Variants in ABCC6 observed in about 807,000 individuals in gnomAD.
ABCC6 encodes ATP binding cassette subfamily C member 6.
A neutral mutation model predicts 169.5 loss-of-function variants in ABCC6; 126 were observed. The observed-to-expected ratio is 0.74, with a 90% confidence interval of 0.64 to 0.86. The LOEUF is 0.86. Among genes scored for constraint, ABCC6 ranks in the 40% least tolerant of loss-of-function variants. The pLI, the probability that ABCC6 is intolerant of heterozygous loss-of-function variation, is 0.00. For missense variants in ABCC6, 1,733 were observed against 1,927.2 expected (o/e 0.90, Z 1.89); for synonymous variants, 752 against 814.7 (o/e 0.92, Z 1.31).
chr16:16,205,832 A>C (rs1441064112), intron 7 of ABCC6, among the ~76,000 whole-genome samples: 3 of 152,190 alleles, frequency 2.0e-5, no homozygotes, highest in Non-Finnish European at 2.9e-5. Flanking sequence ...CTCAATAAAC[A>C]CTTGTCAAAT....
At chr16:16,200,002 A>G (rs1446855222) in intron 9 of ABCC6, among the ~76,000 whole-genome samples, 1 of 151,866 alleles carries the variant, frequency 6.6e-6, no homozygotes, top group Non-Finnish European at 1.5e-5. Flanking sequence ...CAGGAGGCAG[A>G]GGTTGCAGTG....
chr16:16,221,862 G>A (rs758070322), intron 1 of ABCC6, 31 bp from the exon 2 acceptor site: 4 of 1,612,292 alleles, frequency 2.5e-6, no homozygotes, highest in Non-Finnish European at 3.4e-6. Context: ...CCCTTAGGAT[G>A]GTACAAGGCA....
chr16:16,188,022 G>T (rs764423403), intron 13 of ABCC6, among the ~76,000 whole-genome samples: 1 of 151,748 alleles, frequency 6.6e-6, no homozygotes, highest in Non-Finnish European at 1.5e-5. Context: ...ACATGAGGTC[G>T]GGGGTTCAAG....
At chr16:16,193,665 G>A (rs1056474732) in intron 10 of ABCC6, among the ~76,000 whole-genome samples, 3 of 152,204 alleles carry the variant, frequency 2.0e-5, no homozygotes, top group Admixed American at 1.3e-4. Context: ...AGTGAGCCAC[G>A]ATCGCACCAC....
At chr16:16,221,995 T>G (rs544490611) in intron 1 of ABCC6, among the ~76,000 whole-genome samples, 164 bp from the exon 2 acceptor site, 1 of 152,344 alleles carries the variant, frequency 6.6e-6, no homozygotes, top group East Asian at 1.9e-4. Context: ...ATCCTGACAT[T>G]AACCCTAGGT....
chr16:16,176,131 C>T (rs2047271358), intron 19 of ABCC6, 145 bp from the exon 20 acceptor site: 2 of 753,726 alleles, frequency 2.7e-6, no homozygotes, highest in Admixed American at 2.0e-5. Flanking sequence ...CTCAACACCC[C>T]ACTCTGAGTT....
At chr16:16,178,418 G>C (rs2152251811) in intron 18 of ABCC6, among the ~76,000 whole-genome samples, 1 of 152,200 alleles carries the variant, frequency 6.6e-6, no homozygotes, top group South Asian at 2.1e-4. Context: ...CCTGGACTCA[G>C]AGTGGGGACA....
intron 21 of ABCC6, among the ~76,000 whole-genome samples, chr16:16,171,132 A>G (rs2047051709): frequency 6.6e-6 from 1 of 151,120 alleles, no homozygotes; most frequent in Admixed American, 6.6e-5. Flanking sequence ...TGGTTCCTTC[A>G]CACATTCTTT....
chr16:16,194,048 G>T (rs913906178), intron 10 of ABCC6, among the ~76,000 whole-genome samples: 4 of 152,180 alleles, frequency 2.6e-5, no homozygotes, highest in African/African-American at 7.2e-5. Context: ...GCACACACAC[G>T]AGTGGGACTG....
intron 22 of ABCC6, among the ~76,000 whole-genome samples, chr16:16,168,095 A>G (rs1376726058): frequency 6.6e-6 from 1 of 152,180 alleles, no homozygotes; most frequent in Non-Finnish European, 1.5e-5. Flanking sequence ...GGCGCCCCCT[A>G]TTTTACAGGG....
rs1465848460 is a variant in ABCC6 at position 16,149,982 on chromosome 16, G to T, written c.*151C>A. 2.5e-6 allele frequency: 3 copies of T among 1,201,786 alleles called. No individual in the cohort carries two copies. The African/African-American group carries it at 4.5e-5, about 18-fold the overall frequency. The allele number at this position is 1,201,786 out of a possible 1,614,324, so 74.4% of individuals were successfully genotyped here. A position where few individuals can be genotyped will look rare whatever the true frequency, so the allele number is the denominator to read the frequency against. On this transcript the variant is annotated 3_prime_UTR_variant, in exon 31 of 31. Transcript: ENST00000205557. ...CCGGCTCTGATGCTCTGTGATAATT[G>T]GCCACTTTCTCTGCCATTTTCCTCC...
Position 16,163,295 on chromosome 16 carries a change from C to G in ABCC6, c.3307-103G>C, listed in dbSNP as rs1330529286. The G allele has an allele frequency of 7.4e-6, 8 of 1,083,380 alleles. No homozygotes were observed. The East Asian group carries it at 2.0e-4, about 28-fold the overall frequency. The allele number at this position is 1,083,380 out of a possible 1,614,324, so 67.1% of individuals were successfully genotyped here. On this transcript the variant is annotated intron_variant, in intron 23 of 30. Coordinates refer to ENST00000205557, the MANE Select transcript of ABCC6 (RefSeq NM_001171.6). Reference sequence around the variant, plus strand: ...CAAGTACAGGATTCCAGACCAGGATCTGTTAACAGCTTACTGTGTGACCTT... The same window carrying G: ...CAAGTACAGGATTCCAGACCAGGATGTGTTAACAGCTTACTGTGTGACCTT...
intron 25 of ABCC6, among the ~76,000 whole-genome samples, chr16:16,160,628 CAAAAAAAAAAAA>C (rs34511090): frequency 3.1e-4 from 24 of 76,396 alleles, no homozygotes; most frequent in African/African-American, 5.0e-4. Flanking sequence ...CTGTTTCTAC[CAAAAAAAAAAAA>C]AAAAAAAAAA....
At chr16:16,176,840 G>T (rs965611404) in intron 19 of ABCC6, among the ~76,000 whole-genome samples, 3 of 152,216 alleles carry the variant, frequency 2.0e-5, no homozygotes, top group Non-Finnish European at 4.4e-5. Flanking sequence ...AAATGGAAAT[G>T]ATTCTAGTAC....
intron 1 of ABCC6, chr16:16,223,157 A>G: frequency 3.1e-6 from 2 of 640,822 alleles, no homozygotes; most frequent in South Asian, 3.7e-5. Context: ...GCTTTATGCA[A>G]AGAAGAGTCA....
At position 16,154,500 on chromosome 16, in the gene ABCC6, CAT is replaced by C. The variant is rs149122937; in HGVS notation, c.4208+126_4208+127del. The stretch of plus-strand genomic sequence containing the variant: ...AGAGCTTGGAATTGCAGATAAGAGA[CAT>C]GTGGTTATTAATGTAACAGAGTGAT... On this transcript the variant is annotated intron_variant, in intron 29 of 30. Transcript: ENST00000205557. 829 of 1,198,738 alleles carry C rather than the reference CAT, an allele frequency of 6.9e-4. 2 individuals carry two copies. Among genetic ancestry groups the C allele is most frequent in the African/African-American group, 5.0e-3 (331 of 66,454 alleles). The allele number at this position is 1,198,738 out of a possible 1,614,324, so 74.3% of individuals were successfully genotyped here. A position where few individuals can be genotyped will look rare whatever the true frequency, so the allele number is the denominator to read the frequency against.
chr16:16,221,090 A>G, intron 2 of ABCC6: 1 of 799,182 alleles, frequency 1.3e-6, no homozygotes, highest in Non-Finnish European at 1.5e-6. Flanking sequence ...TGATAATGTA[A>G]AAATTAATAC....
chr16:16,157,368 T>G (rs1360795027), intron 27 of ABCC6, among the ~76,000 whole-genome samples: 1 of 152,144 alleles, frequency 6.6e-6, no homozygotes, highest in Non-Finnish European at 1.5e-5. Flanking sequence ...AAAATGTACC[T>G]GGAGCATTTA....
chr16:16,205,364 T>A (rs770069240), intron 7 of ABCC6, among the ~76,000 whole-genome samples: 3 of 152,208 alleles, frequency 2.0e-5, no homozygotes, highest in Non-Finnish European at 4.4e-5. Flanking sequence ...GATCTTGATT[T>A]ATGGTTTGTA....
Sources: allele counts gnomAD v4.1 joint callset (sites outside exome capture counted in the v4.1 genomes callset), GRCh38; gene constraint gnomAD v4.1.1; transcripts MANE v1.5; gene names NCBI Gene and HGNC (gene_info 2026-07-23, HGNC 2026-07-21).